CDK20: variants seen among roughly 807,000 people sequenced by gnomAD.
CDK20 encodes the protein cyclin dependent kinase 20, also known as cyclin-dependent kinase 20.
In CDK20, 40 loss-of-function variants were observed where a neutral mutation model predicts 38.6. The observed-to-expected ratio is 1.04, with a 90% confidence interval of 0.81 to 1.35. The LOEUF (loss-of-function observed/expected upper bound fraction) is 1.35, where lower values mean the gene tolerates loss of function less well. Ranked by LOEUF, CDK20 falls within the 40% of genes most tolerant of loss-of-function variation. The probability of loss-of-function intolerance (pLI) is 0.00; values close to 1 mark genes in which losing one functional copy is unlikely to be tolerated. For missense variants in CDK20, 512 were observed against 452.6 expected (o/e 1.13, Z -1.19); for synonymous variants, 209 against 185.7 (o/e 1.13, Z -1.02).
In CDK20 at chr9:87,967,501, C is replaced by T. The variant is rs1395152523; in HGVS notation, c.1002G>A (p.Leu334=). The T allele has an allele frequency of 1.3e-6, 2 of 1,556,398 alleles. No individual in the cohort carries two copies. The highest frequency in any genetic ancestry group is 1.7e-6 in the Non-Finnish European group (2 of 1,149,902). ...TGAAGGGCCGAATCAGCTCTGGGTT[C>T]AACAGCGACTCCTCAAGAGGCCGGT... ...HVDRPLEESL[L]NPELIRPFIL... Residue 334 remains leucine, a synonymous_variant, in exon 8 of 8, where the codon TTG becomes TTA. Coordinates refer to ENST00000325303, the MANE Select transcript of CDK20 (RefSeq NM_001039803.3).
chr9:87,973,920 A>T lies in CDK20; in HGVS notation c.189+2T>A. 1 of 1,613,624 alleles carries T rather than the reference A, an allele frequency of 6.2e-7. No individual in the cohort carries two copies. Among genetic ancestry groups the T allele is most frequent in the Non-Finnish European group, 8.5e-7 (1 of 1,179,810 alleles). On this transcript the variant is annotated splice_donor_variant, in intron 2 of 7. Coordinates refer to ENST00000325303, the MANE Select transcript of CDK20 (RefSeq NM_001039803.3). LOFTEE classifies it high-confidence loss of function. ...ATACCATGCCCCCCCTCCCCTACTC[A>T]CATACTGATTGTCCTCCATCTCCTG...
rs146106238 is a variant in CDK20 at position 87,968,271 on chromosome 9, T to C, written c.844-612A>G. ...TGTGTCCTGTTCTACTTGGATAAAGTTACTCTGTCTGCCAGGTGGAGAAGA... is the reference window on the plus strand; with the variant it reads ...TGTGTCCTGTTCTACTTGGATAAAGCTACTCTGTCTGCCAGGTGGAGAAGA... On this transcript the variant is annotated intron_variant, in intron 7 of 7. Coordinates refer to ENST00000325303, the MANE Select transcript of CDK20 (RefSeq NM_001039803.3). The C allele has an allele frequency of 2.2e-3, 331 of 152,492 alleles. 1 individual carries two copies. The highest frequency in any genetic ancestry group is 3.8e-3 in the Non-Finnish European group (262 of 68,232). 9.4% of individuals were successfully genotyped at this position (152,492 alleles called of 1,614,324 possible).
intron 6 of CDK20, 76 bp downstream of exon 6, chr9:87,969,720 G>T: frequency 6.2e-7 from 1 of 1,600,494 alleles, no homozygotes; most frequent in South Asian, 1.1e-5. Flanking sequence ...GAAGGTTCAG[G>T]GGAGGGAGTG....
At chr9:87,969,059 G>C in intron 7 of CDK20, 135 bp downstream of exon 7, 1 of 1,038,414 alleles carries the variant, frequency 9.6e-7, no homozygotes. Context: ...GGTTCCAGAT[G>C]TCTGGTGCTG....
rs750842971 is a variant in CDK20 at position 87,970,776 on chromosome 9, C to G, written c.500G>C (p.Arg167Thr). ...SRLYTHQVAT[R>T]WYRAPELLYG... ...CTGGAAGGGATCTGGCCCTCCCTAC[C>G]TGGTGGCCACCTGGTGTGTGTAGAG... The change falls in exon 4 of 8, where the codon AGG (arginine) becomes ACG (threonine). Residue 167 changes from arginine (R) to threonine (T), a missense_variant and splice_region_variant. Physicochemically the swap from Arg to Thr is moderately conservative, Grantham distance 71. Transcript: ENST00000325303. 3.7e-6 allele frequency: 6 copies of G among 1,614,154 alleles called. No individual in the cohort carries two copies. Among genetic ancestry groups the G allele is most frequent in the Non-Finnish European group, 5.1e-6 (6 of 1,179,996 alleles).
intron 7 of CDK20, chr9:87,968,908 C>T (rs893253946): frequency 9.0e-6 from 4 of 443,454 alleles, no homozygotes; most frequent in African/African-American, 2.0e-5. Flanking sequence ...CAGGGGCAGC[C>T]CAGAAACCTG....
chr9:87,971,357 A>C (rs1443543730), intron 2 of CDK20, 22 bp from the exon 3 acceptor site: 1 of 1,595,600 alleles, frequency 6.3e-7, no homozygotes. Flanking sequence ...ACATCTTGTT[A>C]GCCCCCAGAC....
chr9:87,971,029 C>T, intron 3 of CDK20, 118 bp downstream of exon 3: 1 of 1,496,396 alleles, frequency 6.7e-7, no homozygotes, highest in Non-Finnish European at 9.1e-7. Flanking sequence ...TGGCCACTTA[C>T]CTGGAGGCCT....
At chr9:87,973,780 A>T in intron 2 of CDK20, 142 bp downstream of exon 2, 1 of 801,286 alleles carries the variant, frequency 1.2e-6, no homozygotes, top group East Asian at 2.5e-5. Flanking sequence ...GTAAGGAGGC[A>T]GATGAATGAG....
In CDK20 at chr9:87,966,526, T is replaced by A. The variant is rs1221265444; in HGVS notation, c.*936A>T. On this transcript the variant is annotated 3_prime_UTR_variant, in exon 8 of 8. Coordinates refer to ENST00000325303, the MANE Select transcript of CDK20 (RefSeq NM_001039803.3). Reference sequence around the variant, plus strand: ...TCTGATACCGTAAGTCCTTCCATCATTTCCTCTTCTGCATCTGGTTCCACT... The same window carrying A: ...TCTGATACCGTAAGTCCTTCCATCAATTCCTCTTCTGCATCTGGTTCCACT... The A allele has an allele frequency of 6.4e-6, 1 of 157,296 alleles. No homozygotes were observed. The highest frequency in any genetic ancestry group is 1.4e-5 in the Non-Finnish European group (1 of 70,868). 9.7% of individuals were successfully genotyped at this position (157,296 alleles called of 1,614,324 possible). A position where few individuals can be genotyped will look rare whatever the true frequency, so the allele number is the denominator to read the frequency against.
intron 2 of CDK20, 56 bp downstream of exon 2, chr9:87,973,866 G>A (rs1399338660): frequency 3.9e-6 from 6 of 1,558,002 alleles, no homozygotes; most frequent in Non-Finnish European, 4.4e-6. Flanking sequence ...AAGGCACAAA[G>A]AAGTGGGAAC....
rs780624824 is a variant in CDK20, at chr9:87,967,531, G to A, written c.972C>T (p.His324=). ...GCGACTCCTCAAGAGGCCGGTCCAC[G>A]TGGAAGTCATGGATGTGGGGGGGCC... ...HPGPPHIHDF[H]VDRPLEESLL... Residue 324 remains histidine, a synonymous_variant, in exon 8 of 8, where the codon CAC becomes CAT. Transcript: ENST00000325303. 81 of 1,555,116 alleles carry A rather than the reference G, an allele frequency of 5.2e-5. No individual in the cohort carries two copies. The highest frequency in any genetic ancestry group is 1.7e-4 in the Middle Eastern group (1 of 6,016).
Position 87,974,510 on chromosome 9 carries a change from C to G in CDK20, c.-64G>C, listed in dbSNP as rs963610062. The G allele has an allele frequency of 1.4e-6, 2 of 1,461,838 alleles. No individual in the cohort carries two copies. Among genetic ancestry groups the G allele is most frequent in the Non-Finnish European group, 1.9e-6 (2 of 1,074,650 alleles). The allele number at this position is 1,461,838 out of a possible 1,614,324, so 90.6% of individuals were successfully genotyped here. On this transcript the variant is annotated 5_prime_UTR_variant, in exon 1 of 8. Coordinates refer to ENST00000325303, the MANE Select transcript of CDK20 (RefSeq NM_001039803.3). ...ACTTCCAAACTCCACTTCTCCTCCA[C>G]CCCACGCTGATCTGAGCTCGCACGC... is the stretch of plus-strand genomic sequence containing the variant.
intron 2 of CDK20, among the ~76,000 whole-genome samples, chr9:87,972,720 G>A (rs962633722): frequency 7.2e-5 from 11 of 152,208 alleles, no homozygotes; most frequent in African/African-American, 2.7e-4. Flanking sequence ...AGCAAATCTA[G>A]AGTATGTTTT....
chr9:87,972,251 C>G (rs1564159452), intron 2 of CDK20, among the ~76,000 whole-genome samples: 1 of 152,052 alleles, frequency 6.6e-6, no homozygotes, highest in Non-Finnish European at 1.5e-5. Context: ...TAGTGTGATT[C>G]TGTGAGTGGA....
At position 87,966,972 on chromosome 9, in the gene CDK20, A is replaced by G; in HGVS notation, c.*490T>C. 2.2e-6 allele frequency: 1 copy of G among 448,092 alleles called. No homozygotes were observed. The highest frequency in any genetic ancestry group is 4.5e-6 in the Non-Finnish European group (1 of 220,920). 27.8% of individuals were successfully genotyped at this position (448,092 alleles called of 1,614,324 possible). A position where few individuals can be genotyped will look rare whatever the true frequency, so the allele number is the denominator to read the frequency against. On this transcript the variant is annotated 3_prime_UTR_variant, in exon 8 of 8. Transcript: ENST00000325303. ...GGAGGAACAGACATAAGGCAGAGCC[A>G]CCTGAGGTTTTTAGAATCTATATCT...
At position 87,973,934 on chromosome 9, in the gene CDK20, C is replaced by G; in HGVS notation, c.177G>C (p.Glu59Asp). 6.2e-7 allele frequency: 1 copy of G among 1,613,948 alleles called. No homozygotes were observed. Among genetic ancestry groups the G allele is most frequent in the South Asian group, 1.1e-5 (1 of 91,066 alleles). ...LREIKALQEM[E>D]DNQYVVQLKA... ...CTCCCCTACTCACATACTGATTGTC[C>G]TCCATCTCCTGCAGAGCCTTAATCT... Residue 59 changes from glutamate to aspartate, a missense_variant, in exon 2 of 8, where the codon GAG becomes GAC. Glu to Asp is a conservative substitution (Grantham distance 45). Transcript: ENST00000325303.
chr9:87,969,896 T>C lies in CDK20; in HGVS notation c.587A>G (p.Glu196Gly). ...GAAAAGGGGGGACCCATTCAACAGC[T>C]CCCCCATGATGCAGCCCACAGACCT... ...DLWSVGCIMG[E>G]LLNGSPLFPG... is the part of the protein sequence containing the mutation. Residue 196 changes from glutamate to glycine, a missense_variant, in exon 6 of 8, where the codon GAG becomes GGG. Coordinates refer to ENST00000325303, the MANE Select transcript of CDK20 (RefSeq NM_001039803.3). 1 of 1,586,186 alleles carries C rather than the reference T, an allele frequency of 6.3e-7. No individual in the cohort carries two copies. The highest frequency in any genetic ancestry group is 1.2e-5 in the South Asian group (1 of 85,754).
Position 87,969,208 on chromosome 9 carries a change from T to C in CDK20, c.829A>G (p.Ile277Val), listed in dbSNP as rs146863842. 25 of 1,613,844 alleles carry C rather than the reference T, an allele frequency of 1.5e-5. No individual in the cohort carries two copies. Among genetic ancestry groups the C allele is most frequent in the African/African-American group, 5.3e-5 (4 of 74,892 alleles). ...QFLLYPPHQR[I>V]AASKALLHQY... ...TCTCCCCCTACCTTGGAAGCTGCGA[T>C]GCGCTGGTGAGGAGGGTAGAGAAGG... Residue 277 changes from isoleucine (I) to valine (V), a missense_variant, in exon 7 of 8, where the codon ATC becomes GTC. Transcript: ENST00000325303.
Sources: allele counts gnomAD v4.1 joint callset (sites outside exome capture counted in the v4.1 genomes callset), GRCh38; gene constraint gnomAD v4.1.1; transcripts MANE v1.5; gene names NCBI Gene and HGNC (gene_info 2026-07-23, HGNC 2026-07-21).